CAST: variants seen among roughly 807,000 people sequenced by gnomAD.
CAST encodes the protein MIR583 host.
CAST carries 76 observed loss-of-function variants against 119.6 expected under a neutral mutation model. The ratio of observed to expected loss-of-function variants is 0.64; its 90% CI spans 0.53 to 0.77. The LOEUF is 0.77. CAST is among the 30% of genes least tolerant of loss of function. The probability of loss-of-function intolerance (pLI) is 0.00; values close to 1 mark genes in which losing one functional copy is unlikely to be tolerated. For missense variants in CAST, 953 were observed against 946.5 expected, an observed-to-expected ratio of 1.01 and a Z score of -0.09; for synonymous variants, 319 against 331.6, an observed-to-expected ratio of 0.96 and a Z score of 0.41.
intron 2 of CAST, among the ~76,000 whole-genome samples, chr5:96,680,507 T>C (rs1031204217): frequency 6.6e-6 from 1 of 152,066 alleles, no homozygotes; most frequent in Non-Finnish European, 1.5e-5. Flanking sequence ...TTATTTTGTT[T>C]ACTGAAATGC....
intron 3 of CAST, among the ~76,000 whole-genome samples, chr5:96,722,189 A>G (rs912936916): frequency 3.9e-5 from 6 of 152,222 alleles, no homozygotes; most frequent in African/African-American, 1.4e-4. Context: ...ACAAAGCTCA[A>G]AGTCACAGAG....
chr5:96,232,020 A>G, the CAST span, among the ~76,000 whole-genome samples: 1 of 152,272 alleles, frequency 6.6e-6, no homozygotes, highest in South Asian at 2.1e-4. Flanking sequence ...TAAAGAAAAT[A>G]TGGTATGTGT....
chr5:96,415,688 CTT>C, the CAST span, among the ~76,000 whole-genome samples: 1 of 152,138 alleles, frequency 6.6e-6, no homozygotes, highest in Non-Finnish European at 1.5e-5. Context: ...CAGGAAAAGT[CTT>C]TGCCTAAATT....
the CAST span, among the ~76,000 whole-genome samples, chr5:96,168,662 A>G: frequency 1.3e-5 from 2 of 152,258 alleles, no homozygotes; most frequent in South Asian, 2.1e-4. Flanking sequence ...TCAGGGTGAG[A>G]AACAGGAAAG....
rs550143409 is a variant in CAST at position 96,641,265 on chromosome 5, G to GATA, written c.61-34260_61-34258dup. Among the ~76,000 whole-genome samples the GATA allele has an allele frequency of 7.9e-3, 1,203 of 152,036 alleles. 6 individuals are homozygous for GATA. Among genetic ancestry groups the GATA allele is most frequent in the Non-Finnish European group, 0.013 (894 of 67,986 alleles). ...ATTTTCTTTTCTAATTTTGTCTAGT[G>GATA]ATAATAATAATAATAAAAATTACCT... On this transcript the variant is annotated intron_variant, in intron 1 of 11. Transcript: ENST00000505143.
At chr5:96,546,438 C>A (rs1445221383) in intron 1 of CAST, 1 of 152,134 alleles carries the variant, frequency 6.6e-6, no homozygotes, top group Non-Finnish European at 1.5e-5. Context: ...ACACCCAGTT[C>A]ATAATGGAAA....
At chr5:96,261,867 A>C in the CAST span, among the ~76,000 whole-genome samples, 1 of 152,328 alleles carries the variant, frequency 6.6e-6, no homozygotes, top group East Asian at 1.9e-4. Context: ...AAAGGGGGAG[A>C]AAACGAATAT....
the CAST span, among the ~76,000 whole-genome samples, chr5:96,449,019 T>A: frequency 1.6e-4 from 25 of 152,164 alleles, no homozygotes; most frequent in African/African-American, 6.0e-4. Flanking sequence ...CTGCCCCATA[T>A]CCAGCTTCTC....
At chr5:96,571,334 C>T (rs553733846) in intron 1 of CAST, among the ~76,000 whole-genome samples, 1 of 152,324 alleles carries the variant, frequency 6.6e-6, no homozygotes, top group East Asian at 1.9e-4. Context: ...CTCATTAATA[C>T]CTCTCCACTT....
At chr5:96,137,721 AT>A in the CAST span, among the ~76,000 whole-genome samples, 2 of 151,978 alleles carry the variant, frequency 1.3e-5, no homozygotes, top group Admixed American at 6.6e-5. Flanking sequence ...TGTTGTTTTA[AT>A]TTGTGACTTC....
At chr5:96,361,458 G>A in the CAST span, among the ~76,000 whole-genome samples, 1 of 152,168 alleles carries the variant, frequency 6.6e-6, no homozygotes, top group African/African-American at 2.4e-5. Context: ...GGGACCTGGT[G>A]GTGTAGGTAC....
chr5:96,233,740 A>G, the CAST span, among the ~76,000 whole-genome samples: 1 of 152,206 alleles, frequency 6.6e-6, no homozygotes, highest in African/African-American at 2.4e-5. Flanking sequence ...ACCACACAGC[A>G]TGTTAGAACA....
At chr5:96,441,056 A>G in the CAST span, among the ~76,000 whole-genome samples, 2 of 152,236 alleles carry the variant, frequency 1.3e-5, no homozygotes, top group African/African-American at 2.4e-5. Flanking sequence ...CATTTACGGA[A>G]TGAGGGTATA....
chr5:96,603,454 T>C (rs1398194561), intron 1 of CAST, among the ~76,000 whole-genome samples: 1 of 152,164 alleles, frequency 6.6e-6, no homozygotes, highest in Non-Finnish European at 1.5e-5. Context: ...AACACACACA[T>C]TAGCCTAGGC....
At chr5:96,304,889 C>T in the CAST span, among the ~76,000 whole-genome samples, 1 of 152,124 alleles carries the variant, frequency 6.6e-6, no homozygotes, top group Non-Finnish European at 1.5e-5. Context: ...AGTATGATGC[C>T]TCCAGCTTTG....
chr5:96,689,374 T>C (rs1286591890), intron 2 of CAST, among the ~76,000 whole-genome samples: 2 of 152,234 alleles, frequency 1.3e-5, no homozygotes, highest in African/African-American at 4.8e-5. Flanking sequence ...CATTGCCTTT[T>C]TCTGCATCTT....
At chr5:96,314,884 A>G in the CAST span, among the ~76,000 whole-genome samples, 5 of 152,214 alleles carry the variant, frequency 3.3e-5, no homozygotes, top group African/African-American at 4.8e-5. Context: ...TTAAATTTGC[A>G]ATATAGCTAC....
At chr5:96,155,370 A>G in the CAST span, among the ~76,000 whole-genome samples, 1 of 152,196 alleles carries the variant, frequency 6.6e-6, no homozygotes, top group Non-Finnish European at 1.5e-5. Context: ...CACAAGAAGT[A>G]TGTTTGGCTG....
chr5:96,561,796 G>GTTGTTTT lies in CAST; in HGVS notation c.60+31918_60+31919insGTTTTTT, dbSNP rs1746370505. 2.1e-5 allele frequency among the ~76,000 whole-genome samples: 2 copies of GTTGTTTT among 97,422 alleles called. 1 individual carries two copies. Among genetic ancestry groups the GTTGTTTT allele is most frequent in the Non-Finnish European group, 3.8e-5 (2 of 52,248 alleles). 63.9% of individuals were successfully genotyped at this position (97,422 alleles called of 152,430 possible). ...GTGTATTATATATATGTTTTTTTTT[G>GTTGTTTT]TTTTTTTTTTTTTTGAGACGGAGTC... On this transcript the variant is annotated intron_variant, in intron 1 of 11. Transcript: ENST00000505143.
Sources: allele counts gnomAD v4.1 joint callset (sites outside exome capture counted in the v4.1 genomes callset), GRCh38; gene constraint gnomAD v4.1.1; transcripts MANE v1.5; gene names NCBI Gene and HGNC (gene_info 2026-07-23, HGNC 2026-07-21).